HS3ST4: variants seen among roughly 807,000 people sequenced by gnomAD.
HS3ST4 encodes the protein heparan sulfate-glucosamine 3-sulfotransferase 4.
Under a neutral mutation model 29.2 loss-of-function variants are expected in HS3ST4, and 17 were observed. That is an observed-to-expected ratio of 0.58 (90% confidence interval 0.40 to 0.87). HS3ST4 has a LOEUF of 0.87. Ranked by LOEUF, HS3ST4 falls within the 40% of genes least tolerant of loss-of-function variation. The probability of loss-of-function intolerance (pLI) is 0.00; values close to 1 mark genes in which losing one functional copy is unlikely to be tolerated. For missense variants in HS3ST4, 627 were observed against 634.5 expected (o/e 0.99, Z 0.13); for synonymous variants, 314 against 285.7 (o/e 1.10, Z -1.00).
At chr16:26,009,408 G>A (rs1969288916) in intron 1 of HS3ST4, among the ~76,000 whole-genome samples, 1 of 152,174 alleles carries the variant, frequency 6.6e-6, no homozygotes, top group Admixed American at 6.5e-5. Context: ...ACATGTTGAT[G>A]GCTCAGTAAA....
intron 1 of HS3ST4, among the ~76,000 whole-genome samples, chr16:25,808,964 C>A (rs1596577217): frequency 6.6e-6 from 1 of 152,012 alleles, no homozygotes; most frequent in African/African-American, 2.4e-5. Flanking sequence ...TATGCTGCAA[C>A]CTTGGTGGAC....
At chr16:25,912,556 C>A (rs1968251834) in intron 1 of HS3ST4, among the ~76,000 whole-genome samples, 1 of 152,216 alleles carries the variant, frequency 6.6e-6, no homozygotes, top group Non-Finnish European at 1.5e-5. Context: ...CATTTACCGA[C>A]TTCCTCCCCA....
chr16:26,081,786 C>CCT (rs1898726923), intron 1 of HS3ST4, among the ~76,000 whole-genome samples: 2 of 84,966 alleles, frequency 2.4e-5, no homozygotes, highest in Non-Finnish European at 4.4e-5. Flanking sequence ...GGAGTACATT[C>CCT]TTTTTTTTTT....
chr16:25,724,069 G>A (rs559110447), intron 1 of HS3ST4, among the ~76,000 whole-genome samples: 15 of 134,814 alleles, frequency 1.1e-4, no homozygotes, highest in African/African-American at 2.7e-4. Flanking sequence ...AGCCGAGGTC[G>A]TGCCATTGCA....
At chr16:26,096,464 C>T (rs1428484995) in intron 1 of HS3ST4, among the ~76,000 whole-genome samples, 1 of 152,156 alleles carries the variant, frequency 6.6e-6, no homozygotes, top group East Asian at 1.9e-4. Flanking sequence ...AAACATAATC[C>T]ATCACATAAA....
intron 1 of HS3ST4, among the ~76,000 whole-genome samples, chr16:25,960,022 A>G (rs12925263): frequency 0.82 from 124,451 of 152,090 alleles, 51,418 homozygotes; most frequent in African/African-American, 0.94. Flanking sequence ...TGTAATCCCA[A>G]CTACTTGGGA....
At chr16:25,709,033 A>C (rs750804830) in intron 1 of HS3ST4, among the ~76,000 whole-genome samples, 2 of 152,206 alleles carry the variant, frequency 1.3e-5, no homozygotes, top group Non-Finnish European at 2.9e-5. Flanking sequence ...AGCATAAATC[A>C]AAAAGGAATT....
chr16:25,878,789 T>C (rs977812773), intron 1 of HS3ST4, among the ~76,000 whole-genome samples: 1 of 152,212 alleles, frequency 6.6e-6, no homozygotes. Flanking sequence ...GTCCCAACTT[T>C]GTATTGCACA....
intron 1 of HS3ST4, among the ~76,000 whole-genome samples, chr16:26,098,002 A>G (rs989999800): frequency 1.3e-5 from 2 of 152,266 alleles, no homozygotes; most frequent in Admixed American, 6.5e-5. Context: ...ATCACTGGTC[A>G]TCAGAGAAAT....
chr16:25,703,760 C>T (rs1966352774), intron 1 of HS3ST4, among the ~76,000 whole-genome samples: 1 of 152,000 alleles, frequency 6.6e-6, no homozygotes, highest in African/African-American at 2.4e-5. Context: ...CCATTTTATT[C>T]TCTTTTCCCT....
intron 1 of HS3ST4, among the ~76,000 whole-genome samples, chr16:26,023,996 AG>A (rs2141748683): frequency 6.6e-6 from 1 of 151,762 alleles, no homozygotes; most frequent in East Asian, 2.0e-4. Context: ...AGGCTGAGGC[AG>A]GTGTATCACT....
chr16:25,811,967 C>T (rs961515053), intron 1 of HS3ST4, among the ~76,000 whole-genome samples: 1 of 152,138 alleles, frequency 6.6e-6, no homozygotes, highest in Non-Finnish European at 1.5e-5. Context: ...CCCCCAGCTG[C>T]ATCCAAGTTA....
intron 1 of HS3ST4, among the ~76,000 whole-genome samples, chr16:25,929,084 A>G (rs560526002): frequency 9.1e-4 from 138 of 152,316 alleles, no homozygotes; most frequent in Non-Finnish European, 1.6e-3. Flanking sequence ...TGACAGGTGA[A>G]GAAACTGAGT....
intron 1 of HS3ST4, among the ~76,000 whole-genome samples, chr16:25,979,402 C>T (rs1385549546): frequency 1.3e-5 from 2 of 152,176 alleles, no homozygotes; most frequent in African/African-American, 4.8e-5. Context: ...CAGCCACCCC[C>T]TATTGTTCAC....
chr16:25,981,513 T>G (rs1299713740), intron 1 of HS3ST4, among the ~76,000 whole-genome samples: 1 of 151,926 alleles, frequency 6.6e-6, no homozygotes, highest in African/African-American at 2.4e-5. Context: ...TGCCCTCATT[T>G]CACACCTGAG....
chr16:25,828,055 G>GGATGTA (rs1967237993), intron 1 of HS3ST4, among the ~76,000 whole-genome samples: 1 of 151,970 alleles, frequency 6.6e-6, no homozygotes, highest in African/African-American at 2.4e-5. Context: ...GTGTGCTGCA[G>GGATGTA]GATGTACAGA....
chr16:25,932,854 C>G (rs1968479121), intron 1 of HS3ST4, among the ~76,000 whole-genome samples: 1 of 152,168 alleles, frequency 6.6e-6, no homozygotes, highest in Non-Finnish European at 1.5e-5. Flanking sequence ...GGTTTCTAAA[C>G]CTAGACATTT....
intron 1 of HS3ST4, among the ~76,000 whole-genome samples, chr16:25,821,057 ATTTTTTT>A (rs1259738012): frequency 1.1e-3 from 144 of 135,052 alleles, no homozygotes; most frequent in African/African-American, 3.8e-3. Flanking sequence ...GCGCCTTTGA[ATTTTTTT>A]TTTTTTTTTT....
At chr16:25,708,216 TC>T (rs1966389278) in intron 1 of HS3ST4, among the ~76,000 whole-genome samples, 1 of 152,248 alleles carries the variant, frequency 6.6e-6, no homozygotes, top group Admixed American at 6.5e-5. Flanking sequence ...GGGTCCAAAG[TC>T]AGGCATTTCC....
Sources: gnomAD v4.1 joint callset for allele counts (sites outside exome capture counted in the v4.1 genomes callset) on GRCh38, gnomAD v4.1.1 for gene constraint, MANE v1.5 for transcripts, NCBI Gene and HGNC (gene_info 2026-07-23, HGNC 2026-07-21) for gene names.